KCTD16: variants seen among roughly 807,000 people sequenced by gnomAD.
KCTD16 encodes BTB/POZ domain-containing protein KCTD16.
KCTD16 carries 13 observed loss-of-function variants against 33.2 expected under a neutral mutation model. The observed-to-expected ratio is 0.39, with a 90% CI of 0.25 to 0.62. The LOEUF (loss-of-function observed/expected upper bound fraction) is 0.62, where lower values mean the gene tolerates loss of function less well. Ranked by LOEUF, KCTD16 falls within the 20% of genes least tolerant of loss-of-function variation. KCTD16 has a pLI of 0.50. For synonymous variants in KCTD16, 197 were observed against 195.3 expected, an observed-to-expected ratio of 1.01 and a Z score of -0.07; for missense variants, 441 against 525.1, an observed-to-expected ratio of 0.84 and a Z score of 1.57.
intron 3 of KCTD16, among the ~76,000 whole-genome samples, chr5:144,335,804 G>A (rs192118575): frequency 2.0e-4 from 31 of 152,326 alleles, no homozygotes; most frequent in African/African-American, 5.8e-4. Context: ...TAGAGTTGGA[G>A]GGTGAAGGCA....
At chr5:144,216,647 C>A (rs2126799203) in intron 3 of KCTD16, among the ~76,000 whole-genome samples, 1 of 152,084 alleles carries the variant, frequency 6.6e-6, no homozygotes. Flanking sequence ...AGTTTGAGAC[C>A]AGCCTGGCCA....
At chr5:144,306,751 C>A (rs73312784) in intron 3 of KCTD16, among the ~76,000 whole-genome samples, 3,734 of 152,234 alleles carry the variant, frequency 0.025, 171 homozygotes, top group African/African-American at 0.085. Flanking sequence ...AACTCTACCA[C>A]CCCTCAGGAT....
chr5:144,310,637 AC>A (rs1356465399), intron 3 of KCTD16, among the ~76,000 whole-genome samples: 1 of 152,016 alleles, frequency 6.6e-6, no homozygotes, highest in Non-Finnish European at 1.5e-5. Flanking sequence ...CAAAAATAAA[AC>A]CCAAACAACC....
At chr5:144,417,770 G>A (rs562190131) in intron 3 of KCTD16, among the ~76,000 whole-genome samples, 87 of 151,916 alleles carry the variant, frequency 5.7e-4, no homozygotes, top group Non-Finnish European at 6.6e-4. Flanking sequence ...TTTTTTTTGG[G>A]TCTATGTTGT....
At chr5:144,350,449 T>C (rs1308022010) in intron 3 of KCTD16, among the ~76,000 whole-genome samples, 2 of 152,190 alleles carry the variant, frequency 1.3e-5, no homozygotes, top group African/African-American at 4.8e-5. Context: ...CCTGATATGT[T>C]AATTTTTTAC....
chr5:144,216,098 T>C (rs924904572), intron 3 of KCTD16, among the ~76,000 whole-genome samples: 1 of 152,358 alleles, frequency 6.6e-6, no homozygotes, highest in South Asian at 2.1e-4. Flanking sequence ...AAATTAAGAA[T>C]ACAACTTAAA....
chr5:144,277,193 TGCATA>T (rs1208872919), intron 3 of KCTD16, among the ~76,000 whole-genome samples: 1 of 152,194 alleles, frequency 6.6e-6, no homozygotes, highest in Non-Finnish European at 1.5e-5. Context: ...AATTTACAAT[TGCATA>T]GTTCTTTGTG....
In KCTD16 at chr5:144,356,031, TG is replaced by T. The variant is rs577389868; in HGVS notation, c.833-117628del. Among the ~76,000 whole-genome samples, 12 of 152,300 alleles carry T rather than the reference TG, an allele frequency of 7.9e-5. No homozygotes were observed. The South Asian group carries it at 2.5e-3, about 32-fold the overall frequency. On this transcript the variant is annotated intron_variant, in intron 3 of 3. Coordinates refer to ENST00000512467, the MANE Select transcript of KCTD16 (RefSeq NM_020768.4). ...AGAACACAATTAAGCTGAATTCTACTGAGTTTATTGCACTCCTGTTTCATAT... is the reference window on the plus strand; with the variant it reads ...AGAACACAATTAAGCTGAATTCTACTAGTTTATTGCACTCCTGTTTCATAT...
intron 3 of KCTD16, among the ~76,000 whole-genome samples, chr5:144,215,589 G>A (rs745845363): frequency 7.9e-5 from 12 of 152,088 alleles, no homozygotes; most frequent in South Asian, 2.1e-4. Flanking sequence ...AATTGCTTCC[G>A]TGCCTCAGTT....
chr5:144,191,900 A>G (rs943076332), intron 2 of KCTD16, among the ~76,000 whole-genome samples: 1 of 151,604 alleles, frequency 6.6e-6, no homozygotes, highest in Non-Finnish European at 1.5e-5. Flanking sequence ...TTTTTCTTAT[A>G]TGGTCAATAC....
At chr5:144,256,623 T>C (rs1044451949) in intron 3 of KCTD16, among the ~76,000 whole-genome samples, 11 of 151,890 alleles carry the variant, frequency 7.2e-5, no homozygotes, top group African/African-American at 2.7e-4. Flanking sequence ...TTTTGTTTTT[T>C]TTTTTTTAAT....
At chr5:144,320,672 G>C (rs964247936) in intron 3 of KCTD16, among the ~76,000 whole-genome samples, 1 of 151,926 alleles carries the variant, frequency 6.6e-6, no homozygotes, top group Non-Finnish European at 1.5e-5. Flanking sequence ...TGCTACCTGT[G>C]ATAGGACATG....
intron 3 of KCTD16, among the ~76,000 whole-genome samples, chr5:144,398,815 T>C (rs1374229143): frequency 6.6e-6 from 1 of 152,158 alleles, no homozygotes; most frequent in Non-Finnish European, 1.5e-5. Context: ...TCTGAATATT[T>C]TTATTTCTTT....
intron 3 of KCTD16, among the ~76,000 whole-genome samples, chr5:144,360,307 G>A (rs964903408): frequency 3.3e-5 from 5 of 151,978 alleles, no homozygotes; most frequent in African/African-American, 1.2e-4. Flanking sequence ...GTGTCCATGT[G>A]TTCTCATTTT....
chr5:144,296,484 G>A (rs760627579), intron 3 of KCTD16, among the ~76,000 whole-genome samples: 8 of 152,182 alleles, frequency 5.3e-5, no homozygotes, highest in Admixed American at 3.3e-4. Context: ...TTCTCTGGGG[G>A]CCAGTGGATT....
chr5:144,409,641 C>G (rs2126952722), intron 3 of KCTD16, among the ~76,000 whole-genome samples: 1 of 152,024 alleles, frequency 6.6e-6, no homozygotes, highest in East Asian at 1.9e-4. Context: ...GGCAGATCAC[C>G]CGAGGTCAGG....
rs368550216 is a variant in KCTD16, at chr5:144,319,550, A to T, written c.832+112004A>T. Among the ~76,000 whole-genome samples the T allele has an allele frequency of 1.2e-4, 18 of 152,320 alleles. No individual in the cohort carries two copies. In the East Asian group the frequency reaches 3.5e-3, roughly 29 times the overall value. On this transcript the variant is annotated intron_variant, in intron 3 of 3. Transcript: ENST00000512467. Reference sequence around the variant, plus strand: ...ATTACGTTGGAGCTTGCCTGGTTAAACAACATGCATTTTTTGAAGTCTTAA... The same window carrying T: ...ATTACGTTGGAGCTTGCCTGGTTAATCAACATGCATTTTTTGAAGTCTTAA...
chr5:144,222,166 CTTTTGTCAATGGATA>C (rs1323404516), intron 3 of KCTD16, among the ~76,000 whole-genome samples: 2 of 152,034 alleles, frequency 1.3e-5, no homozygotes, highest in East Asian at 3.8e-4. Context: ...GGGTATTAGC[CTTTTGTCAATGGATA>C]GATTGCAAAA....
intron 3 of KCTD16, among the ~76,000 whole-genome samples, chr5:144,431,760 C>T (rs113211847): frequency 1.1e-3 from 168 of 151,954 alleles, no homozygotes; most frequent in Non-Finnish European, 1.8e-3. Flanking sequence ...GTTTTTATTC[C>T]GACACAATAC....
Sources: gnomAD v4.1 joint callset for allele counts (sites outside exome capture counted in the v4.1 genomes callset) on GRCh38, gnomAD v4.1.1 for gene constraint, MANE v1.5 for transcripts, NCBI Gene and HGNC (gene_info 2026-07-23, HGNC 2026-07-21) for gene names.